The following CTNND2 variants were observed in gnomAD, a reference collection of about 807,000 sequenced individuals.
CTNND2 encodes catenin delta-2.
A neutral mutation model predicts 144.4 loss-of-function variants in CTNND2; 22 were observed. The ratio of observed to expected loss-of-function variants is 0.15; its 90% CI spans 0.11 to 0.22. CTNND2 has a LOEUF of 0.22. CTNND2 is among the 10% of genes least tolerant of loss of function. The pLI is 1.00. For missense variants in CTNND2, 1,353 were observed against 1,618.8 expected (o/e 0.84, Z 2.82); for synonymous variants, 751 against 695.6 (o/e 1.08, Z -1.25).
chr5:11,304,020 G>T (rs1235667945), intron 9 of CTNND2, among the ~76,000 whole-genome samples: 1 of 152,128 alleles, frequency 6.6e-6, no homozygotes, highest in East Asian at 1.9e-4. Context: ...CTGCCGCCAT[G>T]TAAGAGGTGG....
chr5:11,284,777 C>T (rs1747555085), intron 9 of CTNND2, among the ~76,000 whole-genome samples: 1 of 152,010 alleles, frequency 6.6e-6, no homozygotes, highest in African/African-American at 2.4e-5. Flanking sequence ...GGGTATGCAC[C>T]CAATAATAGG....
intron 2 of CTNND2, among the ~76,000 whole-genome samples, chr5:11,724,330 A>G (rs979141085): frequency 2.0e-5 from 3 of 152,128 alleles, no homozygotes; most frequent in Non-Finnish European, 4.4e-5. Flanking sequence ...GTTGTTTTCA[A>G]TATGAGCAGA....
At chr5:11,747,965 C>G (rs1788403470) in intron 1 of CTNND2, among the ~76,000 whole-genome samples, 1 of 152,128 alleles carries the variant, frequency 6.6e-6, no homozygotes, top group Non-Finnish European at 1.5e-5. Context: ...CTCAATGACA[C>G]ATCTAGTTTT....
intron 16 of CTNND2, among the ~76,000 whole-genome samples, chr5:11,060,291 G>C (rs886972816): frequency 1.3e-5 from 2 of 151,992 alleles, no homozygotes; most frequent in Non-Finnish European, 2.9e-5. Context: ...TGCACCTATG[G>C]GCCCCTAAAA....
chr5:11,303,110 G>T (rs774457391), intron 9 of CTNND2, among the ~76,000 whole-genome samples: 2 of 152,102 alleles, frequency 1.3e-5, no homozygotes, highest in Non-Finnish European at 2.9e-5. Context: ...TCAAGCCACG[G>T]GTTGCCTCAG....
At chr5:11,586,151 T>C (rs1278848250) in intron 2 of CTNND2, among the ~76,000 whole-genome samples, 1 of 152,214 alleles carries the variant, frequency 6.6e-6, no homozygotes, top group Admixed American at 6.5e-5. Flanking sequence ...TTAAAGGTTA[T>C]TTTGTGTGTC....
chr5:11,400,051 A>T (rs1427529492), intron 5 of CTNND2, among the ~76,000 whole-genome samples: 1 of 152,244 alleles, frequency 6.6e-6, no homozygotes, highest in Admixed American at 6.5e-5. Context: ...TTACTGTGCA[A>T]TGAGGTAGAA....
At chr5:11,476,921 A>T (rs1767799693) in intron 3 of CTNND2, among the ~76,000 whole-genome samples, 1 of 152,172 alleles carries the variant, frequency 6.6e-6, no homozygotes, top group Admixed American at 6.5e-5. Flanking sequence ...GTTATCTTTG[A>T]ATTATTTGCC....
At chr5:11,202,678 C>T (rs1423830201) in intron 10 of CTNND2, among the ~76,000 whole-genome samples, 1 of 152,150 alleles carries the variant, frequency 6.6e-6, no homozygotes, top group African/African-American at 2.4e-5. Context: ...GAAGGGAGGC[C>T]CTGACATGGA....
chr5:11,819,500 C>T (rs916025408), intron 1 of CTNND2, among the ~76,000 whole-genome samples: 6 of 152,084 alleles, frequency 3.9e-5, no homozygotes, highest in Non-Finnish European at 8.8e-5. Context: ...CCCTGCAAAA[C>T]CTTAAGTAAT....
At chr5:11,530,099 C>T (rs929118042) in intron 3 of CTNND2, among the ~76,000 whole-genome samples, 5 of 149,266 alleles carry the variant, frequency 3.3e-5, no homozygotes, top group Non-Finnish European at 5.9e-5. Flanking sequence ...TGCAATAGTT[C>T]CTTTGATTTT....
intron 2 of CTNND2, among the ~76,000 whole-genome samples, chr5:11,631,945 A>C (rs937009462): frequency 3.3e-5 from 5 of 152,168 alleles, no homozygotes; most frequent in Non-Finnish European, 7.4e-5. Context: ...CTGGGAGGAC[A>C]GGCAAGGCAT....
chr5:11,794,455 T>C lies in CTNND2; in HGVS notation c.38-62183A>G, dbSNP rs551443435. Among the ~76,000 whole-genome samples, 19 of 152,352 alleles carry C rather than the reference T, an allele frequency of 1.2e-4. 1 individual carries two copies. The highest frequency in any genetic ancestry group is 4.1e-4 in the African/African-American group (17 of 41,596). On this transcript the variant is annotated intron_variant, in intron 1 of 21. Coordinates refer to ENST00000304623, the MANE Select transcript of CTNND2 (RefSeq NM_001332.4). Reference sequence around the variant, plus strand: ...ATGCTGTAAGAGATCAGAGCGGCCTTAGATCAATGAGAGCGCACCAGAGGA... The same window carrying C: ...ATGCTGTAAGAGATCAGAGCGGCCTCAGATCAATGAGAGCGCACCAGAGGA...
intron 3 of CTNND2, among the ~76,000 whole-genome samples, chr5:11,473,565 G>C (rs1379594581): frequency 6.6e-6 from 1 of 152,178 alleles, no homozygotes; most frequent in African/African-American, 2.4e-5. Flanking sequence ...AGAAGTCACT[G>C]AAACACTCAA....
intron 2 of CTNND2, among the ~76,000 whole-genome samples, chr5:11,721,975 A>C (rs1786716520): frequency 6.6e-6 from 1 of 152,208 alleles, no homozygotes; most frequent in Non-Finnish European, 1.5e-5. Context: ...TAGCACTCTG[A>C]AACAAGACAA....
chr5:11,514,977 C>T (rs931835760), intron 3 of CTNND2, among the ~76,000 whole-genome samples: 1 of 152,058 alleles, frequency 6.6e-6, no homozygotes, highest in Admixed American at 6.6e-5. Flanking sequence ...CATGCAAGTA[C>T]TTTTTTGCAT....
intron 12 of CTNND2, among the ~76,000 whole-genome samples, chr5:11,133,709 AT>A (rs1357084095): frequency 6.6e-6 from 1 of 152,230 alleles, no homozygotes. Flanking sequence ...AGCAGGAGTT[AT>A]TTCTGTAAAG....
chr5:11,882,177 T>G (rs1029091210), intron 1 of CTNND2, among the ~76,000 whole-genome samples: 6 of 152,210 alleles, frequency 3.9e-5, no homozygotes, highest in Middle Eastern at 3.4e-3. Context: ...GTCTCTTCAC[T>G]CTATTGATTG....
intron 16 of CTNND2, among the ~76,000 whole-genome samples, chr5:11,081,230 AG>A (rs1240626464): frequency 4.4e-5 from 4 of 91,516 alleles, no homozygotes; most frequent in African/African-American, 8.8e-5. Context: ...TGAGAAGAAC[AG>A]ATTTTTTGAG....
Sources: allele counts gnomAD v4.1 joint callset (sites outside exome capture counted in the v4.1 genomes callset), GRCh38; gene constraint gnomAD v4.1.1; transcripts MANE v1.5; gene names NCBI Gene and HGNC (gene_info 2026-07-23, HGNC 2026-07-21).